LYPD6: variants seen among roughly 807,000 people sequenced by gnomAD.
The protein encoded by LYPD6 is ly6/PLAUR domain-containing protein 6.
Under a neutral mutation model 22.7 loss-of-function variants are expected in LYPD6, and 15 were observed. The ratio of observed to expected loss-of-function variants is 0.66; its 90% confidence interval spans 0.44 to 1.02. The LOEUF is 1.02. Ranked by LOEUF, LYPD6 falls within the 50% of genes least tolerant of loss-of-function variation. The probability of loss-of-function intolerance (pLI) is 0.00; values close to 1 mark genes in which losing one functional copy is unlikely to be tolerated. For synonymous variants in LYPD6, 72 were observed against 77.5 expected, an observed-to-expected ratio of 0.93 and a Z score of 0.37; for missense variants, 189 against 208.4, an observed-to-expected ratio of 0.91 and a Z score of 0.57.
intron 1 of LYPD6, among the ~76,000 whole-genome samples, chr2:149,372,898 G>C (rs564378155): frequency 1.3e-5 from 2 of 152,254 alleles, no homozygotes; most frequent in South Asian, 4.1e-4. Flanking sequence ...TTCATCTAGG[G>C]GTTGATCCCA....
At chr2:149,350,109 T>C (rs1203492654) in intron 1 of LYPD6, among the ~76,000 whole-genome samples, 2 of 152,330 alleles carry the variant, frequency 1.3e-5, no homozygotes, top group South Asian at 4.1e-4. Flanking sequence ...TCCTTTTTGA[T>C]ACAAAGTAAC....
chr2:149,343,595 AAAGCTGGGGGAATATGAGTCC>A (rs1339796808), intron 1 of LYPD6, among the ~76,000 whole-genome samples: 1 of 152,214 alleles, frequency 6.6e-6, no homozygotes, highest in Non-Finnish European at 1.5e-5. Context: ...TAGGCAAGTG[AAAGCTGGGGGAATATGAGTCC>A]AAGCAAGGGG....
At chr2:149,477,016 G>A (rs1681458692), downstream of LYPD6, among the ~76,000 whole-genome samples, 1 of 152,226 alleles carries the variant, frequency 6.6e-6, no homozygotes, top group South Asian at 2.1e-4. Context: ...GAAAGGGGCT[G>A]AGTAGATGTC....
chr2:149,451,229 C>A (rs72863983), intron 3 of LYPD6, among the ~76,000 whole-genome samples: 356 of 152,256 alleles, frequency 2.3e-3, no homozygotes, highest in Non-Finnish European at 4.2e-3. Flanking sequence ...TGTGGCCTCA[C>A]GTGGCAGAAG....
chr2:149,365,643 C>T (rs1289993266), intron 1 of LYPD6, among the ~76,000 whole-genome samples: 1 of 151,738 alleles, frequency 6.6e-6, no homozygotes. Flanking sequence ...CTCCTCCTTC[C>T]CTAGGAAAAA....
chr2:149,448,950 C>G, intron 2 of LYPD6, 99 bp from the exon 3 acceptor site: 1 of 942,350 alleles, frequency 1.1e-6, no homozygotes, highest in Non-Finnish European at 1.6e-6. Flanking sequence ...GCTAAGTTGT[C>G]TTGAGAATCC....
chr2:149,346,744 A>G (rs989226327), intron 1 of LYPD6, among the ~76,000 whole-genome samples: 7 of 152,180 alleles, frequency 4.6e-5, no homozygotes, highest in Non-Finnish European at 8.8e-5. Flanking sequence ...TCTGTCACCC[A>G]GGCTGGAGTG....
At chr2:149,410,448 T>C (rs943593897) in intron 1 of LYPD6, among the ~76,000 whole-genome samples, 1 of 152,180 alleles carries the variant, frequency 6.6e-6, no homozygotes, top group Non-Finnish European at 1.5e-5. Context: ...TTAGAAATGG[T>C]GGTCTCAGAC....
At chr2:149,330,233 G>C (rs968184862), upstream of LYPD6, 1 of 152,026 alleles carries the variant, frequency 6.6e-6, no homozygotes, top group African/African-American at 2.4e-5. Context: ...AACACTGCTC[G>C]CTTCCAACGC....
chr2:149,407,993 G>A (rs895642683), intron 1 of LYPD6, among the ~76,000 whole-genome samples: 1 of 152,188 alleles, frequency 6.6e-6, no homozygotes, highest in African/African-American at 2.4e-5. Context: ...TTTGCTAGAG[G>A]TCCACTCCAG....
chr2:149,481,536 A>AAAAAC, the LYPD6 span, among the ~76,000 whole-genome samples: 3 of 152,214 alleles, frequency 2.0e-5, no homozygotes, highest in African/African-American at 4.8e-5. Context: ...TTGTAATTAC[A>AAAAAC]AAAACAAAAC....
chr2:149,483,018 T>C, the LYPD6 span, among the ~76,000 whole-genome samples: 1 of 152,326 alleles, frequency 6.6e-6, no homozygotes, highest in East Asian at 1.9e-4. Context: ...TTCAGTTCCC[T>C]GTGTCTGGAG....
rs1682961390 is a variant in LYPD6, at chr2:149,416,314, G to A, written c.-71-21324G>A. ...GTGACCCAAATCCTCTTTCCTGGGG[G>A]AATGAAACCTTTGTAGTCATGCCCT... On this transcript the variant is annotated intron_variant, in intron 1 of 4. Coordinates refer to ENST00000334166, the MANE Select transcript of LYPD6 (RefSeq NM_194317.5). Among the ~76,000 whole-genome samples, 7 of 152,172 alleles carry A rather than the reference G, an allele frequency of 4.6e-5. No homozygotes were observed. In the South Asian group the frequency reaches 1.2e-3, roughly 27 times the overall value.
chr2:149,351,828 A>G (rs1002962129), intron 1 of LYPD6, among the ~76,000 whole-genome samples: 6 of 151,992 alleles, frequency 3.9e-5, no homozygotes, highest in Non-Finnish European at 8.8e-5. Context: ...TGTTGCTGTT[A>G]TGGAAGTCCT....
chr2:149,430,415 A>G (rs1333937481), intron 1 of LYPD6, among the ~76,000 whole-genome samples: 1 of 152,150 alleles, frequency 6.6e-6, no homozygotes, highest in Non-Finnish European at 1.5e-5. Flanking sequence ...ACAAGTTTTT[A>G]AAGCAGGGCA....
intron 1 of LYPD6, among the ~76,000 whole-genome samples, chr2:149,404,280 T>G (rs895060425): frequency 3.9e-5 from 6 of 152,248 alleles, no homozygotes; most frequent in Admixed American, 2.6e-4. Context: ...AAAATCATTG[T>G]TAGCTTGATG....
the LYPD6 span, among the ~76,000 whole-genome samples, chr2:149,483,358 C>T: frequency 8.1e-4 from 123 of 152,356 alleles, 5 homozygotes; most frequent in South Asian, 0.025. Flanking sequence ...CTGCTTCTCA[C>T]TCTCTAATCT....
intron 1 of LYPD6, among the ~76,000 whole-genome samples, chr2:149,394,030 A>G (rs1301765896): frequency 6.6e-6 from 1 of 152,222 alleles, no homozygotes; most frequent in Non-Finnish European, 1.5e-5. Flanking sequence ...GCAGCTCTAC[A>G]GTCTCAAATA....
intron 2 of LYPD6, among the ~76,000 whole-genome samples, chr2:149,440,956 C>T (rs1418825786): frequency 3.9e-5 from 6 of 152,114 alleles, no homozygotes; most frequent in East Asian, 1.9e-4. Flanking sequence ...CTGCCCGCCT[C>T]GGCCTCCCAA....
Sources: allele counts gnomAD v4.1 joint callset (sites outside exome capture counted in the v4.1 genomes callset), GRCh38; gene constraint gnomAD v4.1.1; transcripts MANE v1.5; gene names NCBI Gene and HGNC (gene_info 2026-07-23, HGNC 2026-07-21).